MARCHF3: variants seen among roughly 807,000 people sequenced by gnomAD.
The protein encoded by MARCHF3 is E3 ubiquitin-protein ligase MARCHF3.
Under a neutral mutation model 24.2 loss-of-function variants are expected in MARCHF3, and 13 were observed. The ratio of observed to expected loss-of-function variants is 0.54; its 90% confidence interval spans 0.35 to 0.85. The LOEUF (loss-of-function observed/expected upper bound fraction) is 0.85. MARCHF3 is among the 40% of genes least tolerant of loss of function. The pLI is 0.01. For synonymous variants in MARCHF3, 144 were observed against 137.3 expected, an observed-to-expected ratio of 1.05 and a Z score of -0.34; for missense variants, 276 against 325.0, an observed-to-expected ratio of 0.85 and a Z score of 1.16.
chr5:126,968,936 ATT>A (rs2126827616), intron 1 of MARCHF3, among the ~76,000 whole-genome samples: 1 of 152,142 alleles, frequency 6.6e-6, no homozygotes, highest in African/African-American at 2.4e-5. Context: ...ATATGCAAAT[ATT>A]TCCTTCCATC....
rs1050885768 is a variant in MARCHF3 at position 126,869,682 on chromosome 5, C to T, written c.*951G>A. The T allele has an allele frequency of 2.9e-5, 4 of 136,930 alleles. No individual in the cohort carries two copies. The highest frequency in any genetic ancestry group is 1.1e-4 in the African/African-American group (4 of 36,662). 8.5% of individuals were successfully genotyped at this position (136,930 alleles called of 1,614,324 possible). A position where few individuals can be genotyped will look rare whatever the true frequency, so the allele number is the denominator to read the frequency against. The stretch of plus-strand genomic sequence containing the variant: ...TGACATGCAAAACAGGTCTAGGGTT[C>T]CTAGAAATGTCTAATGATCCTCCAA... On this transcript the variant is annotated 3_prime_UTR_variant, in exon 5 of 5. Coordinates refer to ENST00000308660, the MANE Select transcript of MARCHF3 (RefSeq NM_178450.5).
At chr5:126,917,895 G>A in intron 2 of MARCHF3, 89 bp downstream of exon 2, 1 of 1,339,622 alleles carries the variant, frequency 7.5e-7, no homozygotes, top group African/African-American at 1.5e-5. Context: ...AAAGACCTGA[G>A]CACTAATTAC....
intron 1 of MARCHF3, among the ~76,000 whole-genome samples, chr5:126,970,235 A>T (rs1750959921): frequency 6.6e-6 from 1 of 151,848 alleles, no homozygotes; most frequent in Admixed American, 6.6e-5. Flanking sequence ...TTACGGGCAC[A>T]TGCCACCACA....
At chr5:126,903,626 C>T (rs538626348) in intron 3 of MARCHF3, among the ~76,000 whole-genome samples, 4 of 150,786 alleles carry the variant, frequency 2.7e-5, no homozygotes, top group Admixed American at 6.6e-5. Flanking sequence ...CCACCTAAGT[C>T]TCGTGTGTGT....
chr5:126,910,438 G>C (rs1237388333), intron 3 of MARCHF3, among the ~76,000 whole-genome samples: 1 of 152,208 alleles, frequency 6.6e-6, no homozygotes, highest in Non-Finnish European at 1.5e-5. Context: ...GTATTTTTAT[G>C]TGTTACCTCT....
At chr5:126,876,961 C>T (rs561620653) in intron 4 of MARCHF3, among the ~76,000 whole-genome samples, 58 of 152,322 alleles carry the variant, frequency 3.8e-4, no homozygotes, top group African/African-American at 1.4e-3. Context: ...GAAGCGTAGA[C>T]TTCTAAAGGA....
In MARCHF3 at chr5:126,868,122, G is replaced by A. The variant is rs2126760435; in HGVS notation, c.*2511C>T. On this transcript the variant is annotated 3_prime_UTR_variant, in exon 5 of 5. Transcript: ENST00000308660. ...GAAGCACAGGAAGAGGACTAGGCTAGCAAGGGTGCTGGTAGGCTGCATGGT... is the reference window on the plus strand; with the variant it reads ...GAAGCACAGGAAGAGGACTAGGCTAACAAGGGTGCTGGTAGGCTGCATGGT... 2 of 152,338 alleles carry A rather than the reference G, an allele frequency of 1.3e-5. 1 individual carries two copies. The highest frequency in any genetic ancestry group is 3.9e-4 in the East Asian group (2 of 5,184). The allele number at this position is 152,338 out of a possible 1,614,324, so 9.4% of individuals were successfully genotyped here. A position where few individuals can be genotyped will look rare whatever the true frequency, so the allele number is the denominator to read the frequency against.
chr5:126,974,908 C>G (rs1458471119), intron 1 of MARCHF3, among the ~76,000 whole-genome samples: 1 of 152,146 alleles, frequency 6.6e-6, no homozygotes, highest in Admixed American at 6.5e-5. Flanking sequence ...ATCTGGCTAC[C>G]ATTCATTCTG....
intron 1 of MARCHF3, among the ~76,000 whole-genome samples, chr5:126,949,944 C>T (rs1750163808): frequency 6.6e-6 from 1 of 152,174 alleles, no homozygotes; most frequent in South Asian, 2.1e-4. Flanking sequence ...ATCTGTATAA[C>T]CATATAATGG....
intron 1 of MARCHF3, among the ~76,000 whole-genome samples, chr5:126,982,234 T>G (rs1053283308): frequency 6.6e-6 from 1 of 152,216 alleles, no homozygotes; most frequent in Non-Finnish European, 1.5e-5. Context: ...TCCTGTTGCA[T>G]CCTCAGTGAC....
chr5:126,893,734 T>A (rs1753773701), intron 3 of MARCHF3, among the ~76,000 whole-genome samples: 1 of 123,740 alleles, frequency 8.1e-6, no homozygotes, highest in African/African-American at 3.2e-5. Flanking sequence ...TTGGAATAGG[T>A]GTGGTGTGGT....
chr5:126,929,521 A>T (rs1219772828), intron 1 of MARCHF3, among the ~76,000 whole-genome samples: 5 of 152,240 alleles, frequency 3.3e-5, no homozygotes, highest in Non-Finnish European at 7.3e-5. Context: ...TATATTTAGT[A>T]GCTGGAATTC....
intron 1 of MARCHF3, among the ~76,000 whole-genome samples, chr5:126,974,206 A>G (rs577572678): frequency 3.7e-4 from 56 of 152,196 alleles, no homozygotes; most frequent in African/African-American, 1.3e-3. Flanking sequence ...CGCAAAATCT[A>G]TTTTTTAAAG....
At chr5:126,922,437 G>A (rs547249046) in intron 1 of MARCHF3, among the ~76,000 whole-genome samples, 53 of 152,274 alleles carry the variant, frequency 3.5e-4, no homozygotes, top group African/African-American at 1.2e-3. Context: ...CATGTACAGA[G>A]AAGTTTGAAC....
At chr5:126,884,998 G>C (rs1300634533) in intron 3 of MARCHF3, among the ~76,000 whole-genome samples, 1 of 151,994 alleles carries the variant, frequency 6.6e-6, no homozygotes, top group Admixed American at 6.6e-5. Flanking sequence ...GCTACCTCTC[G>C]CTTCATTTTC....
intron 3 of MARCHF3, among the ~76,000 whole-genome samples, chr5:126,896,376 A>G (rs1336938485): frequency 6.6e-6 from 1 of 152,126 alleles, no homozygotes; most frequent in African/African-American, 2.4e-5. Flanking sequence ...AGCTCAAATG[A>G]AATGATTCAT....
chr5:126,948,834 A>G (rs1428490602), intron 1 of MARCHF3, among the ~76,000 whole-genome samples: 1 of 152,160 alleles, frequency 6.6e-6, no homozygotes, highest in African/African-American at 2.4e-5. Flanking sequence ...TGACTTCAAT[A>G]TCCACATCTG....
chr5:127,003,136 A>G (rs576194815), intron 1 of MARCHF3, among the ~76,000 whole-genome samples: 2 of 152,138 alleles, frequency 1.3e-5, no homozygotes, highest in Non-Finnish European at 2.9e-5. Context: ...AAAAGAAAAA[A>G]AAAAAAGCTC....
At chr5:126,966,936 TTTTTTTTTTG>T (rs1750837112) in intron 1 of MARCHF3, among the ~76,000 whole-genome samples, 2 of 124,794 alleles carry the variant, frequency 1.6e-5, no homozygotes, top group African/African-American at 6.1e-5. Context: ...TTTTTTTTTT[TTTTTTTTTTG>T]CTATTACCTA....
Sources: gnomAD v4.1 joint callset for allele counts (sites outside exome capture counted in the v4.1 genomes callset) on GRCh38, gnomAD v4.1.1 for gene constraint, MANE v1.5 for transcripts, NCBI Gene and HGNC (gene_info 2026-07-23, HGNC 2026-07-21) for gene names.